Variants in MYO18A observed in about 807,000 individuals in gnomAD.
MYO18A encodes unconventional myosin-XVIIIa.
Under a neutral mutation model 235.8 loss-of-function variants are expected in MYO18A, and 78 were observed. That is an observed-to-expected ratio of 0.33 (90% CI 0.28 to 0.40). The LOEUF (loss-of-function observed/expected upper bound fraction) is 0.40, where lower values mean the gene tolerates loss of function less well. MYO18A is among the 10% of genes least tolerant of loss of function. The probability of loss-of-function intolerance (pLI) is 1.00; values close to 1 mark genes in which losing one functional copy is unlikely to be tolerated. For synonymous variants in MYO18A, 977 were observed against 1,077.8 expected, an observed-to-expected ratio of 0.91 and a Z score of 1.83; for missense variants, 2,215 against 2,699.3, an observed-to-expected ratio of 0.82 and a Z score of 3.98.
At chr17:29,147,728 G>C (rs978087505) in intron 2 of MYO18A, among the ~76,000 whole-genome samples, 1 of 151,562 alleles carries the variant, frequency 6.6e-6, no homozygotes, top group African/African-American at 2.4e-5. Flanking sequence ...ACAGAGACCC[G>C]TCTACAAAAA....
chr17:29,090,254 C>T (rs775192697), intron 36 of MYO18A, 156 bp from the exon 37 acceptor site: 8 of 802,472 alleles, frequency 1.0e-5, no homozygotes, highest in Non-Finnish European at 1.2e-5. Flanking sequence ...CAGAGGCCTC[C>T]CCCATCTGCC....
In MYO18A at chr17:29,111,683, G is replaced by A. The variant is rs370196925; in HGVS notation, c.2740+39C>T. On this transcript the variant is annotated intron_variant, in intron 16 of 41. Transcript: ENST00000527372. The surrounding 1 kb of genome is among the most constrained non-coding windows in gnomAD (Gnocchi z 5.1). ...GCCACCTGGACCCACCTGTATGTAAGAGGAAGCAGAGGAGCTACCCTCTAG... is the reference window on the plus strand; with the variant it reads ...GCCACCTGGACCCACCTGTATGTAAAAGGAAGCAGAGGAGCTACCCTCTAG... 4.3e-6 allele frequency: 7 copies of A among 1,612,680 alleles called. No individual in the cohort carries two copies. In the East Asian group the frequency reaches 1.6e-4, roughly 36 times the overall value.
At chr17:29,165,787 A>G (rs1413881328) in intron 2 of MYO18A, among the ~76,000 whole-genome samples, 155 bp downstream of exon 2, 2 of 152,146 alleles carry the variant, frequency 1.3e-5, no homozygotes, top group African/African-American at 4.8e-5. Context: ...TCCTGAGTTC[A>G]TGCTTCCCCA....
chr17:29,084,135 T>C (rs1344249137), intron 40 of MYO18A, among the ~76,000 whole-genome samples: 1 of 152,148 alleles, frequency 6.6e-6, no homozygotes, highest in Non-Finnish European at 1.5e-5. Context: ...AGCCGGAACC[T>C]GGTTAGAGCT....
chr17:29,133,339 C>T (rs2067519025), intron 2 of MYO18A, among the ~76,000 whole-genome samples: 1 of 152,262 alleles, frequency 6.6e-6, no homozygotes, highest in Non-Finnish European at 1.5e-5. Context: ...AGTCCCAAGT[C>T]TGTGGCCTGA....
At chr17:29,175,960 G>A (rs1056428984) in intron 1 of MYO18A, among the ~76,000 whole-genome samples, 3 of 152,132 alleles carry the variant, frequency 2.0e-5, no homozygotes, top group African/African-American at 7.2e-5. Context: ...TCGGGAGGCT[G>A]AGGCAGAGAA....
chr17:29,145,451 G>A (rs2067827747), intron 2 of MYO18A, among the ~76,000 whole-genome samples: 1 of 152,198 alleles, frequency 6.6e-6, no homozygotes, highest in Non-Finnish European at 1.5e-5. Context: ...CCAGACAGGA[G>A]GCTCTGAGGG....
At chr17:29,123,004 G>A (rs2067237561) in intron 2 of MYO18A, among the ~76,000 whole-genome samples, 1 of 152,236 alleles carries the variant, frequency 6.6e-6, no homozygotes, top group Non-Finnish European at 1.5e-5. Flanking sequence ...GGTAGGGGCA[G>A]CCCTGCCCTG....
At chr17:29,090,219 G>A in intron 36 of MYO18A, 121 bp from the exon 37 acceptor site, 1 of 1,178,206 alleles carries the variant, frequency 8.5e-7, no homozygotes, top group Non-Finnish European at 1.2e-6. Flanking sequence ...ATGCACCTGG[G>A]AGGAAAGAGA....
At position 29,098,168 on chromosome 17, in the gene MYO18A, G is replaced by C. The variant is rs2066568368; in HGVS notation, c.3927C>G (p.Ser1309=). The C allele has an allele frequency of 1.2e-6, 2 of 1,613,936 alleles. No individual in the cohort carries two copies. Residue 1309 remains serine (S), a synonymous_variant, in exon 25 of 42, where the codon TCC becomes TCG. Transcript: ENST00000527372. ...TDERNTGESA[S]QLLDAETAER... ...CTGCTGTCTCCGCGTCCAGCAGCTG[G>C]GAGGCGGACTCTCCTGTGTTACGCT...
intron 2 of MYO18A, among the ~76,000 whole-genome samples, chr17:29,154,649 C>T (rs1309846746): frequency 6.6e-6 from 1 of 152,176 alleles, no homozygotes; most frequent in Admixed American, 6.5e-5. Flanking sequence ...AGCCTGTGCC[C>T]GTGTCCTTTA....
In MYO18A at chr17:29,092,470, A is replaced by G; in HGVS notation, c.5074-14T>C. 2 of 1,591,026 alleles carry G rather than the reference A, an allele frequency of 1.3e-6. No individual in the cohort carries two copies. On this transcript the variant is annotated splice_polypyrimidine_tract_variant and intron_variant, in intron 33 of 41. Coordinates refer to ENST00000527372, the MANE Select transcript of MYO18A (RefSeq NM_078471.4). Reference sequence around the variant, plus strand: ...TGACTCCTCCAGCTGGACACAGACCACCCCCGCCCCAGGGAGAGATGTCAG... The same window carrying G: ...TGACTCCTCCAGCTGGACACAGACCGCCCCCGCCCCAGGGAGAGATGTCAG...
Position 29,110,499 on chromosome 17 carries a change from G to C in MYO18A, c.3024C>G (p.Thr1008=). 6.2e-7 allele frequency: 1 copy of C among 1,603,790 alleles called. No individual in the cohort carries two copies. The highest frequency in any genetic ancestry group is 2.2e-5 in the East Asian group (1 of 44,500). The part of the protein sequence containing the change: ...ALRRATSMRK[T]FTTGMAAVKK... ...TGACAGCCGCCATGCCTGTGGTAAA[G>C]GTTTTCCGCATGCTGGTGGCCCGGC... Residue 1008 remains threonine, a synonymous_variant, in exon 18 of 42, where the codon ACC becomes ACG. Transcript: ENST00000527372.
Position 29,115,953 on chromosome 17 carries a change from T to C in MYO18A, c.2051-113A>G, listed in dbSNP as rs1472249592. 8.5e-6 allele frequency: 10 copies of C among 1,176,516 alleles called. No individual in the cohort carries two copies. The South Asian group carries it at 1.3e-4, about 16-fold the overall frequency. 72.9% of individuals were successfully genotyped at this position (1,176,516 alleles called of 1,614,324 possible). ...TTCTGGAGGCAAAAGCCAGCCCTGATGACACCCGATGGGCTTCAGGCAGAA... is the reference window on the plus strand; with the variant it reads ...TTCTGGAGGCAAAAGCCAGCCCTGACGACACCCGATGGGCTTCAGGCAGAA... On this transcript the variant is annotated intron_variant, in intron 11 of 41. Coordinates refer to ENST00000527372, the MANE Select transcript of MYO18A (RefSeq NM_078471.4).
At chr17:29,173,986 C>T (rs978833032) in intron 1 of MYO18A, among the ~76,000 whole-genome samples, 3 of 152,018 alleles carry the variant, frequency 2.0e-5, no homozygotes, top group African/African-American at 7.2e-5. Flanking sequence ...TCTGTCCAGG[C>T]TGGTCTCAAA....
At chr17:29,134,737 G>C (rs2067556138) in intron 2 of MYO18A, among the ~76,000 whole-genome samples, 1 of 150,498 alleles carries the variant, frequency 6.6e-6, no homozygotes, top group African/African-American at 2.4e-5. Flanking sequence ...TAGTCAGGCT[G>C]GTCTCGAACT....
Position 29,154,133 on chromosome 17 carries a change from C to T in MYO18A, c.999+11809G>A, listed in dbSNP as rs9905490. ...GTGTGTGTGTGTGTGCGCGCGCGTG[C>T]GTGTGTATGTGGCGCCTAGGCCATT... On this transcript the variant is annotated intron_variant, in intron 2 of 41. Coordinates refer to ENST00000527372, the MANE Select transcript of MYO18A (RefSeq NM_078471.4). 1.4e-3 allele frequency among the ~76,000 whole-genome samples: 157 copies of T among 111,066 alleles called. 1 individual carries two copies. The highest frequency in any genetic ancestry group is 7.1e-3 in the Admixed American group (85 of 11,920). 72.9% of individuals were successfully genotyped at this position (111,066 alleles called of 152,430 possible).
chr17:29,169,825 C>T (rs1229890211), intron 1 of MYO18A, among the ~76,000 whole-genome samples: 1 of 152,002 alleles, frequency 6.6e-6, no homozygotes, highest in Non-Finnish European at 1.5e-5. Context: ...ATAATGCTTA[C>T]CCAATCCTGG....
At chr17:29,108,565 CT>C (rs1029735131) in intron 19 of MYO18A, among the ~76,000 whole-genome samples, 6 of 152,236 alleles carry the variant, frequency 3.9e-5, no homozygotes, top group African/African-American at 7.2e-5. Flanking sequence ...GCAGAACTGG[CT>C]TCCAAACCTG....
Sources: allele counts gnomAD v4.1 joint callset (sites outside exome capture counted in the v4.1 genomes callset), GRCh38; gene constraint gnomAD v4.1.1; non-coding constraint Gnocchi (gnomAD v3.1); transcripts MANE v1.5; gene names NCBI Gene and HGNC (gene_info 2026-07-23, HGNC 2026-07-21).